COL4A4: variants seen among roughly 807,000 people sequenced by gnomAD.
COL4A4 encodes the protein collagen type IV alpha 4 chain, also known as collagen alpha-4(IV) chain.
COL4A4 carries 105 observed loss-of-function variants against 192.9 expected under a neutral mutation model. The observed-to-expected ratio is 0.54, with a 90% CI of 0.46 to 0.64. The LOEUF (loss-of-function observed/expected upper bound fraction) is 0.64, where lower values mean the gene tolerates loss of function less well. Ranked by LOEUF, COL4A4 falls within the 30% of genes least tolerant of loss-of-function variation. COL4A4 has a pLI of 0.00. For missense variants in COL4A4, 1,967 were observed against 2,169.3 expected (o/e 0.91, Z 1.85); for synonymous variants, 762 against 769.9 (o/e 0.99, Z 0.17).
At chr2:227,007,737 G>A (rs1007619161) in intron 47 of COL4A4, 149 bp from the exon 48 acceptor site, 28 of 1,152,176 alleles carry the variant, frequency 2.4e-5, no homozygotes, top group Non-Finnish European at 2.4e-5. Flanking sequence ...AAAAGGAGTC[G>A]TACTCAGCAT....
intron 6 of COL4A4, 150 bp from the exon 7 acceptor site, chr2:227,118,911 G>A (rs560110188): frequency 4.2e-5 from 27 of 644,176 alleles, no homozygotes; most frequent in African/African-American, 5.5e-5. Flanking sequence ...AAAAGGCTAC[G>A]TAGCATGTAA....
At position 227,121,038 on chromosome 2, in the gene COL4A4, T is replaced by A. The variant is rs1450052915; in HGVS notation, c.303A>T (p.Gly101=). ...CCTTATCTCCTTTGTCCCCTGCTGC[T>A]CCAGGAGGGCCGCGGTCCCCTCTCA... ...KGMRGDRGPP[G]AAGDKGDKGP... is the part of the protein sequence containing the mutation. Residue 101 remains glycine, a synonymous_variant, in exon 5 of 48, where the codon GGA becomes GGT. Coordinates refer to ENST00000396625, the MANE Select transcript of COL4A4 (RefSeq NM_000092.5). 6.2e-6 allele frequency: 10 copies of A among 1,614,006 alleles called. No individual in the cohort carries two copies. The African/African-American group carries it at 6.7e-5, about 11-fold the overall frequency.
At chr2:226,972,908 A>G in the COL4A4 span, among the ~76,000 whole-genome samples, 2 of 150,628 alleles carry the variant, frequency 1.3e-5, no homozygotes, top group East Asian at 3.9e-4. Context: ...CTAAAGTTAA[A>G]GAAAGGAAGG....
Position 227,097,227 on chromosome 2 carries a change from T to C in COL4A4, c.1204+1467A>G, listed in dbSNP as rs143994996. On this transcript the variant is annotated intron_variant, in intron 19 of 47. Transcript: ENST00000396625. ...CTACAGTGTGTGGCATCTTGCAGTA[T>C]TGTCCACCCAACTGTAGAGCATGAA... 3.0e-4 allele frequency among the ~76,000 whole-genome samples: 45 copies of C among 152,318 alleles called. No individual in the cohort carries two copies. The East Asian group carries it at 4.1e-3, about 14-fold the overall frequency.
At chr2:227,091,247 C>CAGATAT (rs58703873) in intron 20 of COL4A4, among the ~76,000 whole-genome samples, 21,276 of 142,294 alleles carry the variant, frequency 0.15, 1,828 homozygotes, top group Non-Finnish European at 0.17. Flanking sequence ...AATTGAAAAA[C>CAGATAT]AGATATAGAT....
rs953322092 is a variant in COL4A4, at chr2:227,007,133, A to G, written c.*192T>C. 2 of 778,450 alleles carry G rather than the reference A, an allele frequency of 2.6e-6. No individual in the cohort carries two copies. The highest frequency in any genetic ancestry group is 4.4e-6 in the Non-Finnish European group (2 of 459,516). The allele number at this position is 778,450 out of a possible 1,614,324, so 48.2% of individuals were successfully genotyped here. On this transcript the variant is annotated 3_prime_UTR_variant, in exon 48 of 48. Transcript: ENST00000396625. Reference sequence around the variant, plus strand: ...TAGGCTCCCTAGATTGGGAGGTCCAAACAAATCCATCTGTGCAGCATTTGC... The same window carrying G: ...TAGGCTCCCTAGATTGGGAGGTCCAGACAAATCCATCTGTGCAGCATTTGC...
At chr2:226,979,145 C>G in the COL4A4 span, among the ~76,000 whole-genome samples, 1 of 152,132 alleles carries the variant, frequency 6.6e-6, no homozygotes, top group Non-Finnish European at 1.5e-5. Flanking sequence ...GCGCAGCCGT[C>G]AGTCTGAGGC....
intron 20 of COL4A4, among the ~76,000 whole-genome samples, chr2:227,093,492 T>C (rs2060043798): frequency 6.6e-6 from 1 of 152,070 alleles, no homozygotes; most frequent in South Asian, 2.1e-4. Context: ...GCGTTTCTGA[T>C]GACTGGATGG....
the COL4A4 span, among the ~76,000 whole-genome samples, chr2:226,988,994 A>G: frequency 6.6e-6 from 1 of 152,362 alleles, no homozygotes; most frequent in South Asian, 2.1e-4. Flanking sequence ...CCTGTCTCCA[A>G]GTCGTAATTG....
chr2:227,036,361 G>A (rs1969671346), intron 37 of COL4A4, among the ~76,000 whole-genome samples: 1 of 152,098 alleles, frequency 6.6e-6, no homozygotes, highest in African/African-American at 2.4e-5. Context: ...TTTTATATGG[G>A]CTCATACTTT....
At chr2:226,993,884 A>C in the COL4A4 span, among the ~76,000 whole-genome samples, 1 of 152,226 alleles carries the variant, frequency 6.6e-6, no homozygotes, top group African/African-American at 2.4e-5. Context: ...ATGTCAGCTT[A>C]TGCATAGATG....
At chr2:227,128,432 T>C (rs1015799810) in intron 4 of COL4A4, among the ~76,000 whole-genome samples, 4 of 152,188 alleles carry the variant, frequency 2.6e-5, no homozygotes, top group Non-Finnish European at 2.9e-5. Flanking sequence ...AACTTTCTGG[T>C]CCTATCCTAT....
rs118167034 is a variant in COL4A4, at chr2:227,112,595, G to C, written c.559-882C>G. On this transcript the variant is annotated intron_variant, in intron 8 of 47. Transcript: ENST00000396625. ...ATTTCAACCATTTTTAAGTGTACAG[G>C]TAGTTCACTTAATGCCACTTAAGTG... Among the ~76,000 whole-genome samples, 161 of 152,214 alleles carry C rather than the reference G, an allele frequency of 1.1e-3. 3 individuals are homozygous for C. The East Asian group carries it at 0.029, about 28-fold the overall frequency.
chr2:227,031,073 A>ATGGATGGATGGATG (rs1559452539), intron 40 of COL4A4, among the ~76,000 whole-genome samples: 71 of 56,034 alleles, frequency 1.3e-3, no homozygotes, highest in African/African-American at 6.6e-3. Flanking sequence ...ATGGATGGAT[A>ATGGATGGATGGATG]GACTGATGGA....
At chr2:227,045,319 A>G (rs1239701091) in intron 35 of COL4A4, among the ~76,000 whole-genome samples, 1 of 152,156 alleles carries the variant, frequency 6.6e-6, no homozygotes, top group Admixed American at 6.6e-5. Context: ...ACCCAAGACC[A>G]CAGGTGAAGT....
chr2:226,995,363 G>T, the COL4A4 span: 2 of 949,880 alleles, frequency 2.1e-6, no homozygotes, highest in Non-Finnish European at 1.7e-6. Context: ...TGTTCCCTTG[G>T]AATCCTAGGG....
At chr2:227,080,291 C>A in intron 24 of COL4A4, 152 bp downstream of exon 24, 1 of 741,350 alleles carries the variant, frequency 1.3e-6, no homozygotes, top group South Asian at 1.5e-5. Context: ...AAACAATCAT[C>A]TTTCCATGTC....
chr2:227,157,889 T>A (rs897175986), intron 1 of COL4A4, among the ~76,000 whole-genome samples: 1 of 151,812 alleles, frequency 6.6e-6, no homozygotes, highest in African/African-American at 2.4e-5. Context: ...AAAAAGAGAG[T>A]GCTGGCCAAC....
rs2060477455 is a variant in COL4A4 at position 227,100,909 on chromosome 2, A to G, written c.1029+595T>C. 2.0e-5 allele frequency among the ~76,000 whole-genome samples: 3 copies of G among 150,748 alleles called. No individual in the cohort carries two copies. The South Asian group carries it at 6.3e-4, about 32-fold the overall frequency. On this transcript the variant is annotated intron_variant, in intron 17 of 47. Transcript: ENST00000396625. ...AAGCTCCACCTCCCAGGTTCATGCC[A>G]TTCTCCTGCCTCAGCCTCCCAAGTA...
Sources: gnomAD v4.1 joint callset for allele counts (sites outside exome capture counted in the v4.1 genomes callset) on GRCh38, gnomAD v4.1.1 for gene constraint, MANE v1.5 for transcripts, NCBI Gene and HGNC (gene_info 2026-07-23, HGNC 2026-07-21) for gene names.